The following KDM4C variants were observed in gnomAD, a reference collection of about 807,000 sequenced individuals.
KDM4C encodes lysine demethylase 4C.
KDM4C carries 81 observed loss-of-function variants against 129.3 expected under a neutral mutation model. That is an observed-to-expected ratio of 0.63 (90% CI 0.52 to 0.75). The LOEUF is 0.75. Ranked by LOEUF, KDM4C falls within the 30% of genes least tolerant of loss-of-function variation. The probability of loss-of-function intolerance (pLI) is 0.00; values close to 1 mark genes in which losing one functional copy is unlikely to be tolerated. For missense variants in KDM4C, 1,457 were observed against 1,304.0 expected (o/e 1.12, Z -1.81); for synonymous variants, 573 against 456.1 (o/e 1.26, Z -3.26).
At chr9:6,904,129 C>T (rs1817880411) in intron 8 of KDM4C, among the ~76,000 whole-genome samples, 1 of 151,894 alleles carries the variant, frequency 6.6e-6, no homozygotes, top group South Asian at 2.1e-4. Context: ...ATCCCAGCTA[C>T]TTGGGAGGCT....
At chr9:6,971,072 A>AG (rs1213275963) in intron 8 of KDM4C, among the ~76,000 whole-genome samples, 6 of 152,198 alleles carry the variant, frequency 3.9e-5, no homozygotes, top group Non-Finnish European at 8.8e-5. Flanking sequence ...ATTTAAAAAA[A>AG]TTTTTGTGCC....
chr9:6,913,751 C>G (rs990149402), intron 8 of KDM4C, among the ~76,000 whole-genome samples: 1 of 152,166 alleles, frequency 6.6e-6, no homozygotes, highest in African/African-American at 2.4e-5. Flanking sequence ...AGCAGAATCA[C>G]AAAATTCCCA....
rs928708143 is a variant in KDM4C, at chr9:7,025,421, G to A, written c.2259+9492G>A. Among the ~76,000 whole-genome samples, 42 of 151,936 alleles carry A rather than the reference G, an allele frequency of 2.8e-4. 1 individual carries two copies. Among genetic ancestry groups the A allele is most frequent in the Non-Finnish European group, 1.5e-5 (1 of 67,966 alleles). ...TTGTTTGTCTTTTGCTTGTTTTGTG[G>A]TCTTCTCTTCCTTTCTTCATTCCTT... On this transcript the variant is annotated intron_variant, in intron 15 of 21. Coordinates refer to ENST00000381309, the MANE Select transcript of KDM4C (RefSeq NM_015061.6).
At chr9:6,798,986 TCCTCACTTCCTAGATGGGATGGCGGCC>T (rs1232614074) in intron 2 of KDM4C, among the ~76,000 whole-genome samples, 3,704 of 124,242 alleles carry the variant, frequency 0.03, 163 homozygotes, top group African/African-American at 0.1. Flanking sequence ...GCAGAGACGC[TCCTCACTTCCTAGATGGGATGGCGGCC>T]GGGAAGAGGC....
At chr9:6,937,707 T>C (rs1225862415) in intron 8 of KDM4C, among the ~76,000 whole-genome samples, 1 of 152,086 alleles carries the variant, frequency 6.6e-6, no homozygotes, top group Non-Finnish European at 1.5e-5. Context: ...AAATGCTTTA[T>C]ATTTAATTTA....
chr9:6,877,261 C>T (rs928292172), intron 5 of KDM4C, among the ~76,000 whole-genome samples: 1 of 152,130 alleles, frequency 6.6e-6, no homozygotes, highest in Non-Finnish European at 1.5e-5. Context: ...AGTGCAGTGG[C>T]GCCATCTCAG....
chr9:7,129,894 A>G (rs567466462), intron 19 of KDM4C, among the ~76,000 whole-genome samples: 6 of 152,336 alleles, frequency 3.9e-5, no homozygotes, highest in Admixed American at 3.3e-4. Flanking sequence ...CTGAGGCACA[A>G]CATGGTGAAT....
At chr9:6,949,940 AT>A (rs1484415458) in intron 8 of KDM4C, among the ~76,000 whole-genome samples, 1 of 152,060 alleles carries the variant, frequency 6.6e-6, no homozygotes, top group African/African-American at 2.4e-5. Context: ...AGATCCCTGC[AT>A]TAATTGATTT....
chr9:6,829,488 C>G (rs1481299287), intron 4 of KDM4C, among the ~76,000 whole-genome samples: 3 of 152,180 alleles, frequency 2.0e-5, no homozygotes, highest in Admixed American at 6.5e-5. Context: ...AACATAAAGT[C>G]ATTGACAATT....
At chr9:6,990,627 C>A (rs577569028) in intron 12 of KDM4C, 103 bp downstream of exon 12, 12 of 687,432 alleles carry the variant, frequency 1.7e-5, no homozygotes, top group South Asian at 1.5e-4. Flanking sequence ...CAACAAGTAG[C>A]AAATACGTAC....
chr9:6,866,991 G>A (rs1460965917), intron 5 of KDM4C, among the ~76,000 whole-genome samples: 2 of 51,908 alleles, frequency 3.9e-5, no homozygotes, highest in South Asian at 1.4e-3. Context: ...GTGTGTGTGT[G>A]TGTGTGTGTA....
chr9:6,754,166 G>C (rs1008209153), upstream of KDM4C, among the ~76,000 whole-genome samples: 5 of 151,856 alleles, frequency 3.3e-5, no homozygotes, highest in East Asian at 9.7e-4. Context: ...GTGAGCTACC[G>C]AGCCCAGCCT....
chr9:6,981,144 T>C (rs773580706), intron 9 of KDM4C, 26 bp downstream of exon 9: 7 of 1,560,614 alleles, frequency 4.5e-6, no homozygotes, highest in African/African-American at 1.4e-5. Context: ...CCCACTGACC[T>C]GCCTTGCCTG....
chr9:6,807,275 C>T lies in KDM4C; in HGVS notation c.320+1501C>T, dbSNP rs547126750. ...CGCCTGCCTTGGCCTCCCAAAGTGC[C>T]GAGATTGCAGCCTCTGCCCAGCCGC... is the stretch of plus-strand genomic sequence containing the variant. On this transcript the variant is annotated intron_variant, in intron 3 of 21. Coordinates refer to ENST00000381309, the MANE Select transcript of KDM4C (RefSeq NM_015061.6). 7.9e-5 allele frequency among the ~76,000 whole-genome samples: 12 copies of T among 152,088 alleles called. No homozygotes were observed. The South Asian group carries it at 2.5e-3, about 32-fold the overall frequency.
At position 6,949,765 on chromosome 9, in the gene KDM4C, A is replaced by T. The variant is rs559815951; in HGVS notation, c.922-31160A>T. ...GCTGAGGCAGGAGAATCAGGCAGGG[A>T]GGTTGCAGTGAGCGGAGATGGCAGC... On this transcript the variant is annotated intron_variant, in intron 8 of 21. Transcript: ENST00000381309. 5.6e-4 allele frequency among the ~76,000 whole-genome samples: 85 copies of T among 152,264 alleles called. 1 individual carries two copies. Among genetic ancestry groups the T allele is most frequent in the African/African-American group, 2.0e-3 (83 of 41,554 alleles).
At chr9:6,907,687 A>G (rs1818568304) in intron 8 of KDM4C, among the ~76,000 whole-genome samples, 3 of 152,222 alleles carry the variant, frequency 2.0e-5, no homozygotes, top group Admixed American at 6.5e-5. Context: ...CTAAAATGGA[A>G]GTAAACAGCA....
chr9:6,903,754 G>A (rs758825659), intron 8 of KDM4C, among the ~76,000 whole-genome samples: 2 of 152,270 alleles, frequency 1.3e-5, no homozygotes, highest in Admixed American at 6.5e-5. Flanking sequence ...AATATCCATT[G>A]TTGAAATTTG....
intron 5 of KDM4C, among the ~76,000 whole-genome samples, chr9:6,877,350 G>A (rs991081887): frequency 3.3e-5 from 5 of 152,094 alleles, no homozygotes; most frequent in East Asian, 1.9e-4. Context: ...ACAGGCGCCC[G>A]CCACCACACC....
chr9:7,075,128 A>G (rs529168813), intron 17 of KDM4C, among the ~76,000 whole-genome samples: 1 of 152,206 alleles, frequency 6.6e-6, no homozygotes, highest in Non-Finnish European at 1.5e-5. Flanking sequence ...TGGGCATGAT[A>G]TGCAGTCAGT....
Sources: allele counts gnomAD v4.1 joint callset (sites outside exome capture counted in the v4.1 genomes callset), GRCh38; gene constraint gnomAD v4.1.1; transcripts MANE v1.5; gene names NCBI Gene and HGNC (gene_info 2026-07-23, HGNC 2026-07-21).